The following ALG9 variants were observed in gnomAD, a reference collection of about 807,000 sequenced individuals.
ALG9 encodes alpha-1,2-mannosyltransferase ALG9.
ALG9 carries 55 observed loss-of-function variants against 81.8 expected under a neutral mutation model. That is an observed-to-expected ratio of 0.67 (90% CI 0.54 to 0.84). The LOEUF (loss-of-function observed/expected upper bound fraction) is 0.84. ALG9 is among the 40% of genes least tolerant of loss of function. The probability of loss-of-function intolerance (pLI) is 0.00; values close to 1 mark genes in which losing one functional copy is unlikely to be tolerated. For synonymous variants in ALG9, 278 were observed against 274.3 expected (o/e 1.01, Z -0.13); for missense variants, 629 against 745.0 (o/e 0.84, Z 1.81).
chr11:111,791,534 T>C (rs1555070389), intron 14 of ALG9, among the ~76,000 whole-genome samples: 1 of 152,168 alleles, frequency 6.6e-6, no homozygotes. Context: ...CAACTAGAGG[T>C]GGGCTGAATA....
At chr11:111,770,769 AC>A in the ALG9 span, among the ~76,000 whole-genome samples, 11 of 152,302 alleles carry the variant, frequency 7.2e-5, no homozygotes, top group African/African-American at 2.4e-4. Flanking sequence ...GCCAAGCACT[AC>A]CAATACAGTA....
At chr11:111,868,758 A>C (rs782390320) in intron 2 of ALG9, 22 bp from the exon 3 acceptor site, 1 of 1,590,312 alleles carries the variant, frequency 6.3e-7, no homozygotes, top group Non-Finnish European at 8.6e-7. Flanking sequence ...AAACAGATAG[A>C]TTCAGGGTTA....
At chr11:111,818,558 C>T (rs1951862206) in intron 13 of ALG9, among the ~76,000 whole-genome samples, 1 of 152,218 alleles carries the variant, frequency 6.6e-6, no homozygotes, top group African/African-American at 2.4e-5. Flanking sequence ...ACTCATCCTT[C>T]AGATTTCAGC....
intron 5 of ALG9, among the ~76,000 whole-genome samples, chr11:111,858,497 C>T (rs1408571975): frequency 1.3e-5 from 2 of 152,220 alleles, no homozygotes; most frequent in East Asian, 1.9e-4. Flanking sequence ...TAGAAAGCCT[C>T]CTCAAGGGCC....
intron 6 of ALG9, among the ~76,000 whole-genome samples, chr11:111,856,000 CG>C (rs1555142818): frequency 1.3e-5 from 2 of 152,024 alleles, no homozygotes; most frequent in Non-Finnish European, 2.9e-5. Flanking sequence ...TTCACTGGGC[CG>C]GACACGATGG....
downstream of ALG9, chr11:111,778,273 C>G (rs536099386): frequency 5.9e-5 from 9 of 152,350 alleles, no homozygotes; most frequent in African/African-American, 2.2e-4. Flanking sequence ...CTTCTACCAC[C>G]TGATCAATCA....
In ALG9 at chr11:111,865,245, C is replaced by T. The variant is rs1555151723; in HGVS notation, c.412G>A (p.Val138Met). ...ARILQTNKIL[V>M]FYFLRCLLAF... The stretch of plus-strand genomic sequence containing the variant: ...AGAAGACATCGCAAAAAGTAAAACA[C>T]AAGAATCTAAAAGAAACCCAGAAAA... The change falls in exon 4 of 15, where the codon GTG (valine) becomes ATG (methionine). Residue 138 changes from valine (V) to methionine (M), a missense_variant. Val to Met is a conservative substitution (Grantham distance 21). Around this residue, in one of 3 missense-constraint regions of ALG9, gnomAD observed 344 missense variants for 390.5 expected, o/e 0.88. Coordinates refer to ENST00000616540, the MANE Select transcript of ALG9 (RefSeq NM_024740.2). 1.3e-6 allele frequency: 2 copies of T among 1,551,216 alleles called. No individual in the cohort carries two copies. Among genetic ancestry groups the T allele is most frequent in the South Asian group, 1.2e-5 (1 of 83,668 alleles).
intron 1 of ALG9, chr11:111,870,981 G>T: frequency 9.8e-7 from 1 of 1,022,656 alleles, no homozygotes; most frequent in Non-Finnish European, 1.2e-6. Context: ...TGGCGGGTTG[G>T]ATGGGCCCAG....
rs782161199 is a variant in ALG9 at position 111,870,334 on chromosome 11, A to G, written c.168T>C (p.Pro56=). 2 of 1,565,726 alleles carry G rather than the reference A, an allele frequency of 1.3e-6. No individual in the cohort carries two copies. Among genetic ancestry groups the G allele is most frequent in the African/African-American group, 2.8e-5 (2 of 70,446 alleles). The change falls in exon 2 of 15, where the codon CCT becomes CCC. Residue 56 remains proline (P), a synonymous_variant. Transcript: ENST00000616540. Reference sequence around the variant, plus strand: ...GACACTTGAAAGCAGTAGATCCTTCAGGTGCCCAGACTTGTCCTGCTTTGT... The same window carrying G: ...GACACTTGAAAGCAGTAGATCCTTCGGGTGCCCAGACTTGTCCTGCTTTGT... ...SGNKAGQVWA[P]EGSTAFKCLL...
At position 111,870,298 on chromosome 11, in the gene ALG9, T is replaced by G. The variant is rs782315258; in HGVS notation, c.204A>C (p.Ala68=). The G allele has an allele frequency of 1.2e-6, 2 of 1,610,538 alleles. No individual in the cohort carries two copies. Among genetic ancestry groups the G allele is most frequent in the South Asian group, 2.2e-5 (2 of 90,850 alleles). The part of the protein sequence containing the change: ...GSTAFKCLLS[A]RLCAALLSNI... ...TGCTCAGGAGAGCAGCACATAACCT[T>G]GCTGAAAGCAGACACTTGAAAGCAG... The change falls in exon 2 of 15, where the codon GCA becomes GCC. Residue 68 remains alanine (A), a synonymous_variant. Transcript: ENST00000616540.
chr11:111,825,420 C>T (rs950708068), intron 13 of ALG9, among the ~76,000 whole-genome samples: 2 of 152,142 alleles, frequency 1.3e-5, no homozygotes, highest in Admixed American at 1.3e-4. Context: ...GAGAAATGCT[C>T]CTGCTCAATT....
chr11:111,793,496 T>G (rs186723446), intron 14 of ALG9, among the ~76,000 whole-genome samples: 1 of 151,952 alleles, frequency 6.6e-6, no homozygotes, highest in Non-Finnish European at 1.5e-5. Context: ...GCATGGTGGC[T>G]CACGCCTGTA....
Position 111,840,665 on chromosome 11 carries a change from G to C in ALG9, c.1163C>G (p.Ser388Cys). ...LICLCGAVAL[S>C]ALQHSFLYFQ... ...CTCCCTGAAACTCACCTGAAGTGCA[G>C]AGAGAGCCACAGCGCCACAGAGACA... Residue 388 changes from serine to cysteine, a missense_variant, in exon 10 of 15, where the codon TCT becomes TGT. Ser to Cys is a moderately radical substitution (Grantham distance 112). Coordinates refer to ENST00000616540, the MANE Select transcript of ALG9 (RefSeq NM_024740.2). The C allele has an allele frequency of 6.2e-7, 1 of 1,614,010 alleles. No individual in the cohort carries two copies. Among genetic ancestry groups the C allele is most frequent in the Non-Finnish European group, 8.5e-7 (1 of 1,179,982 alleles).
At chr11:111,866,568 T>C (rs994898656) in intron 3 of ALG9, among the ~76,000 whole-genome samples, 7 of 151,744 alleles carry the variant, frequency 4.6e-5, no homozygotes, top group African/African-American at 1.7e-4. Flanking sequence ...AAAAAGGAGA[T>C]CAGAAGTAAG....
intron 8 of ALG9, among the ~76,000 whole-genome samples, chr11:111,851,214 C>T (rs1209389285): frequency 1.3e-5 from 2 of 152,148 alleles, no homozygotes; most frequent in African/African-American, 4.8e-5. Flanking sequence ...CGTGGTGGCT[C>T]ATGCTTGTAA....
chr11:111,861,607 G>A (rs1167682877), intron 4 of ALG9, among the ~76,000 whole-genome samples: 1 of 152,074 alleles, frequency 6.6e-6, no homozygotes, highest in Non-Finnish European at 1.5e-5. Flanking sequence ...GAATGGCTAG[G>A]AGTAACTGTG....
chr11:111,802,577 G>T (rs1949294838), intron 14 of ALG9, among the ~76,000 whole-genome samples: 1 of 152,100 alleles, frequency 6.6e-6, no homozygotes, highest in Non-Finnish European at 1.5e-5. Context: ...ATTGAACTGT[G>T]GCAATGGTTA....
At chr11:111,859,165 C>A (rs1959168720) in intron 5 of ALG9, among the ~76,000 whole-genome samples, 1 of 152,128 alleles carries the variant, frequency 6.6e-6, no homozygotes, top group Non-Finnish European at 1.5e-5. Context: ...ACGATTGTGC[C>A]ACTGCACTCT....
chr11:111,841,845 T>C (rs1403033448), intron 9 of ALG9, among the ~76,000 whole-genome samples: 1 of 152,204 alleles, frequency 6.6e-6, no homozygotes, highest in Non-Finnish European at 1.5e-5. Context: ...GGATTTTAGA[T>C]AATAATTTAG....
Sources: gnomAD v4.1 joint callset for allele counts (sites outside exome capture counted in the v4.1 genomes callset) on GRCh38, gnomAD v4.1.1 for gene constraint, gnomAD v4.1.1 regional missense constraint, MANE v1.5 for transcripts, NCBI Gene and HGNC (gene_info 2026-07-23, HGNC 2026-07-21) for gene names.